The following VDAC3 variants were observed in gnomAD, a reference collection of about 807,000 sequenced individuals.
VDAC3 encodes the protein voltage dependent anion channel 3.
In VDAC3, 7 loss-of-function variants were observed where a neutral mutation model predicts 33.9. That is an observed-to-expected ratio of 0.21 (90% CI 0.12 to 0.39). The LOEUF (loss-of-function observed/expected upper bound fraction) is 0.39, where lower values mean the gene tolerates loss of function less well. VDAC3 is among the 10% of genes least tolerant of loss of function. The pLI, the probability that VDAC3 is intolerant of heterozygous loss-of-function variation, is 1.00. For missense variants in VDAC3, 261 were observed against 334.5 expected, an observed-to-expected ratio of 0.78 and a Z score of 1.71; for synonymous variants, 100 against 122.4, an observed-to-expected ratio of 0.82 and a Z score of 1.21.
intron 5 of VDAC3, 143 bp from the exon 6 acceptor site, chr8:42,399,508 A>G (rs1366528709): frequency 3.2e-6 from 2 of 630,600 alleles, no homozygotes; most frequent in Non-Finnish European, 5.3e-6. Context: ...TGGAGAGCTT[A>G]CTTATTACAT....
At chr8:42,404,748 A>G (rs1802470251) in intron 8 of VDAC3, 119 bp from the exon 9 acceptor site, 1 of 632,504 alleles carries the variant, frequency 1.6e-6, no homozygotes, top group Non-Finnish European at 2.5e-6. Flanking sequence ...AAAAATCAGT[A>G]ATTCTAGATT....
chr8:42,401,715 C>G (rs1460077698), intron 6 of VDAC3, 73 bp from the exon 7 acceptor site: 5 of 1,388,262 alleles, frequency 3.6e-6, no homozygotes, highest in Admixed American at 1.8e-5. Flanking sequence ...GGATCTTACT[C>G]TAAAAATTCC....
chr8:42,394,008 G>T lies in VDAC3; in HGVS notation c.-3+124G>T, dbSNP rs1802255406. 3 of 497,306 alleles carry T rather than the reference G, an allele frequency of 6.0e-6. No individual in the cohort carries two copies. The Admixed American group carries it at 1.1e-4, about 18-fold the overall frequency. 30.8% of individuals were successfully genotyped at this position (497,306 alleles called of 1,614,324 possible). A position where few individuals can be genotyped will look rare whatever the true frequency, so the allele number is the denominator to read the frequency against. ...GACCTCTGAATCTCACGGGAAAACT[G>T]TTTTATTCTCAGTATTCTGGAAAGG... On this transcript the variant is annotated intron_variant, in intron 2 of 9. Coordinates refer to ENST00000022615, the MANE Select transcript of VDAC3 (RefSeq NM_005662.7).
At chr8:42,405,151 C>T (rs988430460) in intron 9 of VDAC3, among the ~76,000 whole-genome samples, 3 of 152,232 alleles carry the variant, frequency 2.0e-5, no homozygotes, top group Non-Finnish European at 4.4e-5. Context: ...GTTGATCACT[C>T]ATTGCCCTTA....
chr8:42,398,578 G>A, intron 4 of VDAC3, 134 bp from the exon 5 acceptor site: 1 of 892,002 alleles, frequency 1.1e-6, no homozygotes, highest in Non-Finnish European at 1.6e-6. Context: ...AAGGAGGAAA[G>A]AAGTTGCTCT....
chr8:42,393,842 C>G lies in VDAC3; in HGVS notation c.-42-3C>G. 1 of 418,652 alleles carries G rather than the reference C, an allele frequency of 2.4e-6. No homozygotes were observed. Among genetic ancestry groups the G allele is most frequent in the Admixed American group, 3.9e-5 (1 of 25,532 alleles). The allele number at this position is 418,652 out of a possible 1,614,324, so 25.9% of individuals were successfully genotyped here. ...TAAAAATTTCCATTGTTGTCTTATA[C>G]AGGTCTTTGGTTTCATAAGAGCCTG... On this transcript the variant is annotated splice_region_variant and splice_polypyrimidine_tract_variant and intron_variant, in intron 1 of 9. Transcript: ENST00000022615.
intron 4 of VDAC3, chr8:42,396,678 A>T (rs1350500635): frequency 1.4e-6 from 1 of 693,170 alleles, no homozygotes; most frequent in African/African-American, 1.8e-5. Context: ...ATTCATTCAG[A>T]TGGTAAGAAA....
intron 8 of VDAC3, among the ~76,000 whole-genome samples, chr8:42,404,192 C>G (rs1245380401): frequency 6.6e-6 from 1 of 152,134 alleles, no homozygotes; most frequent in African/African-American, 2.4e-5. Flanking sequence ...GAAAACTGAG[C>G]CTTAGAAAGG....
chr8:42,399,930 G>A (rs1209981298), intron 6 of VDAC3, among the ~76,000 whole-genome samples: 2 of 152,328 alleles, frequency 1.3e-5, no homozygotes, highest in South Asian at 2.1e-4. Context: ...ATGTATAAAT[G>A]TATTTGAGAG....
rs958106952 is a variant in VDAC3, at chr8:42,404,007, A to G, written c.702+546A>G. On this transcript the variant is annotated intron_variant, in intron 8 of 9. Transcript: ENST00000022615. Reference sequence around the variant, plus strand: ...TTGGCCTCAGAATTTTCTTATTTGGAAATTCATGGGATTAGATGACTATTT... The same window carrying G: ...TTGGCCTCAGAATTTTCTTATTTGGGAATTCATGGGATTAGATGACTATTT... Among the ~76,000 whole-genome samples, 7 of 152,196 alleles carry G rather than the reference A, an allele frequency of 4.6e-5. No individual in the cohort carries two copies. The South Asian group carries it at 1.5e-3, about 32-fold the overall frequency.
At chr8:42,398,996 CT>C (rs1563422038) in intron 5 of VDAC3, 132 bp downstream of exon 5, 10 of 954,968 alleles carry the variant, frequency 1.0e-5, no homozygotes, top group East Asian at 2.7e-5. Context: ...TGCATGTGGC[CT>C]TTTTTGATGT....
intron 4 of VDAC3, among the ~76,000 whole-genome samples, chr8:42,398,343 C>T (rs960787051): frequency 6.6e-6 from 1 of 152,170 alleles, no homozygotes; most frequent in African/African-American, 2.4e-5. Flanking sequence ...GCAACCTCTG[C>T]CTCCTGGGCT....
chr8:42,396,990 C>CT (rs1452181080), intron 4 of VDAC3: 3 of 281,612 alleles, frequency 1.1e-5, no homozygotes, highest in South Asian at 9.4e-5. Flanking sequence ...CAATTCTAGC[C>CT]TTTTTTTCTG....
chr8:42,399,529 T>C (rs1466402003), intron 5 of VDAC3, 122 bp from the exon 6 acceptor site: 2 of 772,228 alleles, frequency 2.6e-6, no homozygotes, highest in African/African-American at 3.5e-5. Flanking sequence ...AATTTAATAT[T>C]TTGCTTTCTT....
Position 42,394,874 on chromosome 8 carries a change from A to C in VDAC3, c.68-210A>C, listed in dbSNP as rs190721180. On this transcript the variant is annotated intron_variant, in intron 3 of 9. Coordinates refer to ENST00000022615, the MANE Select transcript of VDAC3 (RefSeq NM_005662.7). ...TTTTTTTCTTTAACTTACATTTTAA[A>C]AGTATATCTTTATTCATTTTGAGTG... Among the ~76,000 whole-genome samples, 211 of 152,280 alleles carry C rather than the reference A, an allele frequency of 1.4e-3. 1 individual carries two copies. Among genetic ancestry groups the C allele is most frequent in the African/African-American group, 4.9e-3 (205 of 41,562 alleles).
chr8:42,398,875 G>T lies in VDAC3; in HGVS notation c.270+11G>T. The T allele has an allele frequency of 6.2e-7, 1 of 1,611,606 alleles. No individual in the cohort carries two copies. On this transcript the variant is annotated intron_variant, in intron 5 of 9. Transcript: ENST00000022615. Reference sequence around the variant, plus strand: ...TCTTGGGAGAATAAGGTAAGAGAACGCATTAGAAGTTATTCATAGGTTCAA... The same window carrying T: ...TCTTGGGAGAATAAGGTAAGAGAACTCATTAGAAGTTATTCATAGGTTCAA...
intron 3 of VDAC3, 90 bp downstream of exon 3, chr8:42,394,368 T>G: frequency 9.0e-7 from 1 of 1,116,778 alleles, no homozygotes; most frequent in Non-Finnish European, 1.3e-6. Flanking sequence ...AAAATAAGGG[T>G]AAGTCAGCAT....
rs948443428 is a variant in VDAC3 at position 42,395,206 on chromosome 8, C to T, written c.117+73C>T. 4 of 1,590,330 alleles carry T rather than the reference C, an allele frequency of 2.5e-6. No homozygotes were observed. The African/African-American group carries it at 5.4e-5, about 22-fold the overall frequency. ...GGAATCTGTTTAAAATCATGACAGTCTAGTTACTTGAACCAGCACCATGCT... is the reference window on the plus strand; with the variant it reads ...GGAATCTGTTTAAAATCATGACAGTTTAGTTACTTGAACCAGCACCATGCT... On this transcript the variant is annotated intron_variant, in intron 4 of 9. Coordinates refer to ENST00000022615, the MANE Select transcript of VDAC3 (RefSeq NM_005662.7).
At chr8:42,398,660 T>C (rs1247693019) in intron 4 of VDAC3, 52 bp from the exon 5 acceptor site, 9 of 1,578,026 alleles carry the variant, frequency 5.7e-6, no homozygotes, top group Non-Finnish European at 7.8e-6. Flanking sequence ...AAAGTGAATA[T>C]TTTCTATTTG....
Sources: allele counts gnomAD v4.1 joint callset (sites outside exome capture counted in the v4.1 genomes callset), GRCh38; gene constraint gnomAD v4.1.1; transcripts MANE v1.5; gene names NCBI Gene and HGNC (gene_info 2026-07-23, HGNC 2026-07-21).